STX8: variants seen among roughly 807,000 people sequenced by gnomAD.
The protein encoded by STX8 is syntaxin 8.
A neutral mutation model predicts 37.5 loss-of-function variants in STX8; 23 were observed. The ratio of observed to expected loss-of-function variants is 0.61; its 90% CI spans 0.44 to 0.87. STX8 has a LOEUF of 0.87. Among genes scored for constraint, STX8 ranks in the 40% least tolerant of loss-of-function variants. STX8 has a pLI of 0.00. For synonymous variants in STX8, 115 were observed against 99.1 expected, an observed-to-expected ratio of 1.16 and a Z score of -0.95; for missense variants, 313 against 284.7, an observed-to-expected ratio of 1.10 and a Z score of -0.71.
chr17:9,250,620 C>G lies in STX8; in HGVS notation c.669G>C (p.Leu223=). Residue 223 remains leucine (L), a synonymous_variant, in exon 8 of 8, where the codon CTG becomes CTC. Coordinates refer to ENST00000306357, the MANE Select transcript of STX8 (RefSeq NM_004853.3). ...SCGMIMVILL[L]LVAIVVVAVW... Reference sequence around the variant, plus strand: ...CTGCAACAACCACGATAGCCACAAGCAGCAGTAAAATCACCATGATCATCC... The same window carrying G: ...CTGCAACAACCACGATAGCCACAAGGAGCAGTAAAATCACCATGATCATCC... 1 of 1,600,616 alleles carries G rather than the reference C, an allele frequency of 6.2e-7. No homozygotes were observed. Among genetic ancestry groups the G allele is most frequent in the Middle Eastern group, 1.7e-4 (1 of 6,048 alleles).
chr17:9,333,475 C>T (rs1910027226), intron 7 of STX8, among the ~76,000 whole-genome samples: 1 of 152,124 alleles, frequency 6.6e-6, no homozygotes, highest in South Asian at 2.1e-4. Context: ...GCAAGCTCCG[C>T]CTCCCGGGTT....
Position 9,340,939 on chromosome 17 carries a change from G to A in STX8, c.643+37613C>T, listed in dbSNP as rs374867160. On this transcript the variant is annotated intron_variant, in intron 7 of 7. Coordinates refer to ENST00000306357, the MANE Select transcript of STX8 (RefSeq NM_004853.3). ...CTCAAAGTGCTGGGATTACAGGCGT[G>A]GGCCACCGCACCCAGCTGAAATGAT... Among the ~76,000 whole-genome samples the A allele has an allele frequency of 1.2e-4, 18 of 148,882 alleles. No homozygotes were observed. The East Asian group carries it at 2.3e-3, about 19-fold the overall frequency.
intron 7 of STX8, among the ~76,000 whole-genome samples, chr17:9,277,170 G>T (rs1487508744): frequency 1.3e-5 from 2 of 152,174 alleles, no homozygotes; most frequent in African/African-American, 2.4e-5. Context: ...GCGTCAGTAG[G>T]TTTAATGCGG....
chr17:9,489,326 T>A (rs1308793064), intron 6 of STX8, among the ~76,000 whole-genome samples: 3 of 152,204 alleles, frequency 2.0e-5, no homozygotes, highest in Non-Finnish European at 4.4e-5. Flanking sequence ...AGGTATGGCC[T>A]GGGCTCTTGG....
intron 5 of STX8, among the ~76,000 whole-genome samples, chr17:9,497,236 G>A (rs1304151990): frequency 6.6e-6 from 1 of 151,996 alleles, no homozygotes; most frequent in African/African-American, 2.4e-5. Context: ...GCAATGTATG[G>A]GCCATATTTA....
chr17:9,379,919 G>C (rs1005559477), intron 6 of STX8, among the ~76,000 whole-genome samples: 5 of 151,592 alleles, frequency 3.3e-5, no homozygotes, highest in Non-Finnish European at 7.4e-5. Context: ...AGTGAGCCGA[G>C]ATTGCACCAC....
intron 7 of STX8, among the ~76,000 whole-genome samples, chr17:9,294,465 G>A (rs1908440099): frequency 6.6e-6 from 1 of 152,226 alleles, no homozygotes; most frequent in Non-Finnish European, 1.5e-5. Flanking sequence ...CTGAGTGAGG[G>A]TGGAACATCT....
intron 2 of STX8, 75 bp from the exon 3 acceptor site, chr17:9,557,603 T>C: frequency 7.8e-7 from 1 of 1,288,802 alleles, no homozygotes; most frequent in South Asian, 1.2e-5. Context: ...ACGTAAACAC[T>C]ACTTCACGGG....
intron 7 of STX8, among the ~76,000 whole-genome samples, chr17:9,342,889 T>C (rs1910410716): frequency 6.6e-6 from 1 of 151,786 alleles, no homozygotes; most frequent in Non-Finnish European, 1.5e-5. Context: ...GGTGTGGTGG[T>C]ACGTGCCTGT....
chr17:9,258,183 T>A (rs56384326), intron 7 of STX8, among the ~76,000 whole-genome samples: 6,132 of 152,310 alleles, frequency 0.04, 181 homozygotes, highest in African/African-American at 0.078. Flanking sequence ...CATTTGCTTA[T>A]GTATTAACCA....
At chr17:9,545,343 A>T (rs1212601723) in intron 3 of STX8, 61 bp from the exon 4 acceptor site, 2 of 1,233,602 alleles carry the variant, frequency 1.6e-6, no homozygotes, top group South Asian at 2.5e-5. Context: ...CTATTACATT[A>T]TTAAGTTAGC....
chr17:9,273,051 A>G (rs12937879), intron 7 of STX8, among the ~76,000 whole-genome samples: 33,253 of 152,244 alleles, frequency 0.22, 4,083 homozygotes, highest in Admixed American at 0.29. Flanking sequence ...AGGAAGGGGG[A>G]AAACCGCCCT....
At chr17:9,423,652 C>G (rs1306101578) in intron 6 of STX8, among the ~76,000 whole-genome samples, 1 of 152,120 alleles carries the variant, frequency 6.6e-6, no homozygotes, top group Non-Finnish European at 1.5e-5. Context: ...GAAGAAAATT[C>G]AAAGCAAAAT....
intron 6 of STX8, among the ~76,000 whole-genome samples, chr17:9,401,944 T>C (rs1190120266): frequency 5.3e-5 from 8 of 152,084 alleles, no homozygotes; most frequent in Admixed American, 4.6e-4. Flanking sequence ...TTTAGGTGCG[T>C]TTCACCCTTC....
intron 7 of STX8, among the ~76,000 whole-genome samples, chr17:9,299,549 T>A (rs1179675797): frequency 6.7e-6 from 1 of 149,902 alleles, no homozygotes; most frequent in Non-Finnish European, 1.5e-5. Context: ...GTTCACACCA[T>A]TCTCCTGCCT....
At position 9,261,051 on chromosome 17, in the gene STX8, G is replaced by A. The variant is rs114075045; in HGVS notation, c.644-10406C>T. Among the ~76,000 whole-genome samples, 925 of 152,330 alleles carry A rather than the reference G, an allele frequency of 6.1e-3. 15 individuals carry two copies. The highest frequency in any genetic ancestry group is 0.021 in the African/African-American group (874 of 41,574). On this transcript the variant is annotated intron_variant, in intron 7 of 7. Coordinates refer to ENST00000306357, the MANE Select transcript of STX8 (RefSeq NM_004853.3). ...GAAAAAAAGGACTGGTCTAGAAGCA[G>A]GAAATTAAAAGGAATGAAGACTGCA...
intron 6 of STX8, among the ~76,000 whole-genome samples, chr17:9,422,168 G>A (rs555283141): frequency 4.6e-5 from 7 of 151,054 alleles, no homozygotes; most frequent in South Asian, 2.1e-4. Context: ...GCAATGGCGC[G>A]ATCTTGGCTC....
intron 7 of STX8, among the ~76,000 whole-genome samples, chr17:9,336,069 A>G (rs1910130149): frequency 6.6e-6 from 1 of 152,198 alleles, no homozygotes; most frequent in African/African-American, 2.4e-5. Flanking sequence ...ATGCTCTATT[A>G]CTTTGAATAG....
intron 6 of STX8, among the ~76,000 whole-genome samples, chr17:9,460,935 A>G (rs1472755482): frequency 1.3e-5 from 2 of 149,330 alleles, no homozygotes; most frequent in East Asian, 4.0e-4. Context: ...GGAAGATTAA[A>G]TTAATTACCA....
Sources: allele counts gnomAD v4.1 joint callset (sites outside exome capture counted in the v4.1 genomes callset), GRCh38; gene constraint gnomAD v4.1.1; transcripts MANE v1.5; gene names NCBI Gene and HGNC (gene_info 2026-07-23, HGNC 2026-07-21).